The following MEIOB variants were observed in gnomAD, a reference collection of about 807,000 sequenced individuals.
MEIOB encodes the protein meiosis specific with OB-fold.
Under a neutral mutation model 53.1 loss-of-function variants are expected in MEIOB, and 50 were observed. The observed-to-expected ratio is 0.94, with a 90% CI of 0.75 to 1.19. The LOEUF is 1.19. Among genes scored for constraint, MEIOB ranks in the 50% most tolerant of loss-of-function variants. The pLI, the probability that MEIOB is intolerant of heterozygous loss-of-function variation, is 0.00. For missense variants in MEIOB, 551 were observed against 550.8 expected, an observed-to-expected ratio of 1.00 and a Z score of 0.00; for synonymous variants, 192 against 182.5, an observed-to-expected ratio of 1.05 and a Z score of -0.42.
chr16:1,864,109 A>G (rs1268566633), intron 3 of MEIOB, among the ~76,000 whole-genome samples: 1 of 152,170 alleles, frequency 6.6e-6, no homozygotes, highest in Non-Finnish European at 1.5e-5. Flanking sequence ...CTGTATTCAC[A>G]TTGCTGCACT....
chr16:1,857,548 T>C (rs1161017494), intron 6 of MEIOB, among the ~76,000 whole-genome samples, 187 bp downstream of exon 6: 4 of 152,242 alleles, frequency 2.6e-5, no homozygotes, highest in Admixed American at 2.6e-4. Flanking sequence ...ATTTTACTAC[T>C]CATCCACAGA....
intron 1 of MEIOB, among the ~76,000 whole-genome samples, chr16:1,870,604 A>C (rs926567578): frequency 2.0e-5 from 3 of 152,224 alleles, no homozygotes; most frequent in East Asian, 1.9e-4. Context: ...GAAAAGTAGA[A>C]ACAGTGTATA....
At chr16:1,853,729 G>A (rs1417459292) in intron 7 of MEIOB, among the ~76,000 whole-genome samples, 2 of 152,190 alleles carry the variant, frequency 1.3e-5, no homozygotes, top group African/African-American at 4.8e-5. Flanking sequence ...GCTTCAGGGT[G>A]CAGTCCCCAC....
intron 13 of MEIOB, among the ~76,000 whole-genome samples, chr16:1,835,725 T>C (rs1898726662): frequency 6.6e-6 from 1 of 152,228 alleles, no homozygotes; most frequent in African/African-American, 2.4e-5. Context: ...ACCCTGCTCA[T>C]GGAATCCCCA....
At chr16:1,842,623 C>CAAAAAAAA (rs202147878) in intron 10 of MEIOB, among the ~76,000 whole-genome samples, 6 of 97,776 alleles carry the variant, frequency 6.1e-5, no homozygotes, top group Admixed American at 9.5e-5. Context: ...AACTCCATCT[C>CAAAAAAAA]AAAAAGACAG....
At chr16:1,863,761 A>G (rs373270181) in intron 3 of MEIOB, among the ~76,000 whole-genome samples, 15 of 152,178 alleles carry the variant, frequency 9.9e-5, no homozygotes, top group Non-Finnish European at 1.5e-4. Flanking sequence ...AATAATTAAA[A>G]TAAGTTATTT....
chr16:1,858,095 A>G (rs1899354618), intron 5 of MEIOB, among the ~76,000 whole-genome samples, 165 bp from the exon 6 acceptor site: 1 of 152,186 alleles, frequency 6.6e-6, no homozygotes, highest in Admixed American at 6.5e-5. Context: ...TTTTTTGTTT[A>G]CAGTGCACTT....
chr16:1,836,323 A>G (rs1274318425), intron 13 of MEIOB, among the ~76,000 whole-genome samples: 1 of 152,238 alleles, frequency 6.6e-6, no homozygotes, highest in Non-Finnish European at 1.5e-5. Flanking sequence ...TCTCTGGGAA[A>G]GTGCAGTATC....
chr16:1,854,861 T>C (rs1167838040), intron 6 of MEIOB, among the ~76,000 whole-genome samples: 4 of 148,132 alleles, frequency 2.7e-5, no homozygotes, highest in Admixed American at 2.7e-4. Context: ...GAGTTGAAAC[T>C]AGGACCCTTC....
chr16:1,844,076 A>C (rs1898975595), intron 10 of MEIOB, among the ~76,000 whole-genome samples: 1 of 151,782 alleles, frequency 6.6e-6, no homozygotes. Context: ...AAAGATGTTA[A>C]CCAAATAACT....
chr16:1,860,521 G>C (rs762659804), intron 4 of MEIOB, 46 bp from the exon 5 acceptor site: 3 of 1,045,578 alleles, frequency 2.9e-6, no homozygotes, highest in South Asian at 1.4e-5. Context: ...ACAGTAACAA[G>C]ATAAACACTA....
intron 3 of MEIOB, among the ~76,000 whole-genome samples, chr16:1,863,404 G>C (rs1596984079): frequency 7.0e-6 from 1 of 142,310 alleles, no homozygotes; most frequent in Non-Finnish European, 1.5e-5. Context: ...GTTTGTTTTT[G>C]AGACGGAGTT....
In MEIOB at chr16:1,858,030, A is replaced by G. The variant is rs898218979; in HGVS notation, c.333-100T>C. The G allele has an allele frequency of 5.4e-6, 4 of 738,868 alleles. No individual in the cohort carries two copies. The Admixed American group carries it at 8.8e-5, about 16-fold the overall frequency. The allele number at this position is 738,868 out of a possible 1,614,324, so 45.8% of individuals were successfully genotyped here. ...AACTACATTTTTCATTGAAATTTAG[A>G]CAATACTAATATATACTTTTTACTC... On this transcript the variant is annotated intron_variant, in intron 5 of 13. Transcript: ENST00000325962.
intron 10 of MEIOB, among the ~76,000 whole-genome samples, chr16:1,842,386 G>A: frequency 6.6e-6 from 1 of 150,990 alleles, no homozygotes; most frequent in African/African-American, 2.4e-5. Flanking sequence ...AGGTCGAGGT[G>A]GGCAGATCAC....
intron 1 of MEIOB, among the ~76,000 whole-genome samples, chr16:1,870,046 G>C (rs1899701219): frequency 6.6e-6 from 1 of 151,522 alleles, no homozygotes; most frequent in South Asian, 2.1e-4. Context: ...TAATTTTTTT[G>C]TATTTTTAGT....
intron 4 of MEIOB, among the ~76,000 whole-genome samples, 162 bp downstream of exon 4, chr16:1,861,823 C>A (rs1899451566): frequency 6.6e-6 from 1 of 152,162 alleles, no homozygotes; most frequent in South Asian, 2.1e-4. Flanking sequence ...GCATGAGCCA[C>A]CGTGCCCCAC....
chr16:1,837,143 G>A (rs1295988593), intron 13 of MEIOB, among the ~76,000 whole-genome samples: 1 of 152,162 alleles, frequency 6.6e-6, no homozygotes, highest in Non-Finnish European at 1.5e-5. Context: ...AAGTGCCTCA[G>A]GAGGCAACTG....
intron 2 of MEIOB, among the ~76,000 whole-genome samples, chr16:1,866,399 C>A (rs1187784511): frequency 6.6e-6 from 1 of 152,098 alleles, no homozygotes; most frequent in African/African-American, 2.4e-5. Context: ...TTAGTGACTA[C>A]TGAAGAAAAA....
intron 5 of MEIOB, among the ~76,000 whole-genome samples, chr16:1,858,796 TA>T (rs1899372328): frequency 6.6e-6 from 1 of 152,192 alleles, no homozygotes; most frequent in Admixed American, 6.5e-5. Flanking sequence ...TGAAAAATAG[TA>T]AAACATCAGC....
Sources: allele counts gnomAD v4.1 joint callset (sites outside exome capture counted in the v4.1 genomes callset), GRCh38; gene constraint gnomAD v4.1.1; transcripts MANE v1.5; gene names NCBI Gene and HGNC (gene_info 2026-07-23, HGNC 2026-07-21).